CYP7B1: variants seen among roughly 807,000 people sequenced by gnomAD.
The protein encoded by CYP7B1 is cytochrome P450 7B1.
CYP7B1 carries 29 observed loss-of-function variants against 42.7 expected under a neutral mutation model. The ratio of observed to expected loss-of-function variants is 0.68; its 90% confidence interval spans 0.51 to 0.93. The LOEUF (loss-of-function observed/expected upper bound fraction) is 0.93, where lower values mean the gene tolerates loss of function less well. CYP7B1 is among the 40% of genes least tolerant of loss of function. The pLI is 0.00. For synonymous variants in CYP7B1, 235 were observed against 218.2 expected (o/e 1.08, Z -0.68); for missense variants, 655 against 600.5 (o/e 1.09, Z -0.95).
intron 1 of CYP7B1, among the ~76,000 whole-genome samples, chr8:64,642,468 G>A (rs1452262307): frequency 6.6e-6 from 1 of 152,006 alleles, no homozygotes; most frequent in East Asian, 1.9e-4. Flanking sequence ...TTAAAATTTT[G>A]CTCCCAAACC....
At chr8:64,733,264 T>C (rs1446594831) in intron 1 of CYP7B1, among the ~76,000 whole-genome samples, 2 of 152,126 alleles carry the variant, frequency 1.3e-5, no homozygotes, top group Non-Finnish European at 1.5e-5. Flanking sequence ...GTCCCCCTAC[T>C]ATATTGAAGG....
chr8:64,676,831 C>T (rs1194958541), intron 1 of CYP7B1, among the ~76,000 whole-genome samples: 2 of 152,020 alleles, frequency 1.3e-5, no homozygotes, highest in African/African-American at 2.4e-5. Flanking sequence ...TTTAAATATG[C>T]TAGCAGAAAT....
At chr8:64,713,773 CA>C (rs200351108) in intron 1 of CYP7B1, among the ~76,000 whole-genome samples, 18 of 150,328 alleles carry the variant, frequency 1.2e-4, no homozygotes, top group African/African-American at 3.9e-4. Context: ...GACAGGGAGT[CA>C]AAAAAAAATC....
chr8:64,624,335 C>G (rs1171216667), intron 2 of CYP7B1, 68 bp downstream of exon 2: 2 of 1,452,996 alleles, frequency 1.4e-6, no homozygotes, highest in Non-Finnish European at 1.9e-6. Context: ...TAGAGAAAAA[C>G]AGAAAGACAT....
intron 1 of CYP7B1, among the ~76,000 whole-genome samples, chr8:64,707,967 A>G (rs1445298605): frequency 6.6e-6 from 1 of 152,152 alleles, no homozygotes; most frequent in Non-Finnish European, 1.5e-5. Context: ...TGCTAATCAT[A>G]TAATTCTAAT....
rs553035099 is a variant in CYP7B1 at position 64,630,410 on chromosome 8, T to G, written c.123-5871A>C. 3.3e-5 allele frequency among the ~76,000 whole-genome samples: 5 copies of G among 152,370 alleles called. No homozygotes were observed. The East Asian group carries it at 7.7e-4, about 23-fold the overall frequency. On this transcript the variant is annotated intron_variant, in intron 1 of 5. Transcript: ENST00000310193. The stretch of plus-strand genomic sequence containing the variant: ...GTCTTCACCTGTAAAGGAGAATGTT[T>G]ATACTAACCTTGGTGGTTTATCATT...
intron 1 of CYP7B1, among the ~76,000 whole-genome samples, chr8:64,671,558 C>CA: frequency 6.6e-6 from 1 of 152,084 alleles, no homozygotes; most frequent in Non-Finnish European, 1.5e-5. Context: ...AAAAGCAAAA[C>CA]CAAGTTTTTC....
chr8:64,681,859 T>A (rs1806544026), intron 1 of CYP7B1, among the ~76,000 whole-genome samples: 1 of 152,184 alleles, frequency 6.6e-6, no homozygotes, highest in East Asian at 1.9e-4. Flanking sequence ...AAATGTTTGT[T>A]GTTTCAAGAT....
At chr8:64,711,114 G>A (rs1381952538) in intron 1 of CYP7B1, among the ~76,000 whole-genome samples, 2 of 152,082 alleles carry the variant, frequency 1.3e-5, no homozygotes, top group Non-Finnish European at 2.9e-5. Flanking sequence ...GGGAGGGAGG[G>A]AGTAAAAGGT....
At chr8:64,767,581 C>G (rs1179156340) in intron 1 of CYP7B1, among the ~76,000 whole-genome samples, 1 of 152,132 alleles carries the variant, frequency 6.6e-6, no homozygotes, top group Non-Finnish European at 1.5e-5. Context: ...ATTTTAAAAC[C>G]CTTCACCAAA....
At chr8:64,722,209 A>T (rs999443937) in intron 1 of CYP7B1, among the ~76,000 whole-genome samples, 3 of 152,128 alleles carry the variant, frequency 2.0e-5, no homozygotes, top group African/African-American at 4.8e-5. Flanking sequence ...ACAATGGAAA[A>T]CTCTATGTTG....
intron 1 of CYP7B1, among the ~76,000 whole-genome samples, chr8:64,764,260 A>G (rs1391925819): frequency 3.9e-4 from 1 of 2,556 alleles, no homozygotes; most frequent in Non-Finnish European, 7.9e-4. Flanking sequence ...CGCCCCCTGC[A>G]ATACAATCTC....
At chr8:64,798,219 C>T (rs574280617) in intron 1 of CYP7B1, among the ~76,000 whole-genome samples, 4 of 152,350 alleles carry the variant, frequency 2.6e-5, no homozygotes, top group Admixed American at 2.6e-4. Context: ...CAACCTAGGG[C>T]TTATTACAAC....
intron 5 of CYP7B1, among the ~76,000 whole-genome samples, chr8:64,598,008 C>G (rs540071085): frequency 2.0e-5 from 3 of 152,234 alleles, no homozygotes; most frequent in Non-Finnish European, 2.9e-5. Flanking sequence ...ACTTTTCTCA[C>G]TCAAAGCCAG....
chr8:64,753,124 A>G (rs745357139), intron 1 of CYP7B1, among the ~76,000 whole-genome samples: 1 of 152,266 alleles, frequency 6.6e-6, no homozygotes, highest in Non-Finnish European at 1.5e-5. Context: ...TATAAAGTAC[A>G]AGAATACAAT....
At chr8:64,689,788 G>A (rs183035229) in intron 1 of CYP7B1, among the ~76,000 whole-genome samples, 15 of 152,036 alleles carry the variant, frequency 9.9e-5, no homozygotes, top group Admixed American at 8.5e-4. Context: ...GGCTGCTCTC[G>A]AACTCCTAAC....
Position 64,602,645 on chromosome 8 carries a change from G to C in CYP7B1, c.1233+2037C>G, listed in dbSNP as rs79398702. ...CATTCAAGGTATGTTGGATACAAAA[G>C]GCAGGTAGTAATGAATGTGTCTCTG... is the stretch of plus-strand genomic sequence containing the variant. On this transcript the variant is annotated intron_variant, in intron 5 of 5. Coordinates refer to ENST00000310193, the MANE Select transcript of CYP7B1 (RefSeq NM_004820.5). Among the ~76,000 whole-genome samples the C allele has an allele frequency of 3.1e-4, 47 of 152,270 alleles. No homozygotes were observed. In the East Asian group the frequency reaches 8.9e-3, roughly 29 times the overall value.
chr8:64,703,699 C>A (rs1806951632), intron 1 of CYP7B1: 1 of 152,004 alleles, frequency 6.6e-6, no homozygotes, highest in Admixed American at 6.6e-5. Flanking sequence ...TTGTTTTAAT[C>A]TGGTTCTCTC....
intron 4 of CYP7B1, among the ~76,000 whole-genome samples, chr8:64,611,582 T>C (rs1315963866): frequency 2.0e-5 from 3 of 152,158 alleles, no homozygotes; most frequent in Admixed American, 6.6e-5. Flanking sequence ...CTCATACTTC[T>C]AGAGTTATAA....
Sources: gnomAD v4.1 joint callset for allele counts (sites outside exome capture counted in the v4.1 genomes callset) on GRCh38, gnomAD v4.1.1 for gene constraint, MANE v1.5 for transcripts, NCBI Gene and HGNC (gene_info 2026-07-23, HGNC 2026-07-21) for gene names.